CDH18: variants seen among roughly 807,000 people sequenced by gnomAD.
CDH18 encodes the protein cadherin-18.
In CDH18, 31 loss-of-function variants were observed where a neutral mutation model predicts 67.9. The observed-to-expected ratio is 0.46, with a 90% CI of 0.34 to 0.62. CDH18 has a LOEUF of 0.62. Among genes scored for constraint, CDH18 ranks in the 20% least tolerant of loss-of-function variants. The pLI, the probability that CDH18 is intolerant of heterozygous loss-of-function variation, is 0.01. For missense variants in CDH18, 890 were observed against 975.5 expected (o/e 0.91, Z 1.17); for synonymous variants, 362 against 347.2 (o/e 1.04, Z -0.48).
At chr5:19,581,655 G>C (rs1323849891) in intron 7 of CDH18, among the ~76,000 whole-genome samples, 1 of 151,916 alleles carries the variant, frequency 6.6e-6, no homozygotes, top group East Asian at 1.9e-4. Context: ...CCAGATTTTA[G>C]TTCCAAGATT....
intron 1 of CDH18, among the ~76,000 whole-genome samples, chr5:20,459,337 G>T (rs1014574754): frequency 6.6e-6 from 1 of 152,156 alleles, no homozygotes; most frequent in Non-Finnish European, 1.5e-5. Context: ...TGAGAGTGAC[G>T]TATTTGTAAT....
intron 1 of CDH18, among the ~76,000 whole-genome samples, chr5:20,338,054 C>T (rs77482072): frequency 0.012 from 1,776 of 152,270 alleles, 38 homozygotes; most frequent in African/African-American, 0.041. Flanking sequence ...CAGGAGAACA[C>T]GATGGGAAAG....
At chr5:20,534,960 G>C (rs1473191660) in intron 1 of CDH18, among the ~76,000 whole-genome samples, 14 of 151,738 alleles carry the variant, frequency 9.2e-5, no homozygotes, top group Admixed American at 9.2e-4. Flanking sequence ...TGTTCTTAAG[G>C]CTCGCATTTT....
chr5:20,384,837 T>TATTC (rs1449902336), intron 1 of CDH18, among the ~76,000 whole-genome samples: 1 of 152,174 alleles, frequency 6.6e-6, no homozygotes, highest in Non-Finnish European at 1.5e-5. Context: ...GTTATTTATT[T>TATTC]ATTTATTCAT....
intron 1 of CDH18, among the ~76,000 whole-genome samples, chr5:20,295,268 C>T (rs1290172560): frequency 2.0e-5 from 3 of 152,260 alleles, no homozygotes; most frequent in East Asian, 1.9e-4. Flanking sequence ...TAGACCTTCA[C>T]ATCTCTGGGA....
intron 2 of CDH18, among the ~76,000 whole-genome samples, chr5:19,924,015 C>A (rs1286109163): frequency 6.6e-6 from 1 of 152,120 alleles, no homozygotes; most frequent in East Asian, 1.9e-4. Context: ...AACTATGAGA[C>A]CGGTACTTTC....
At chr5:20,340,438 A>C (rs936118723) in intron 1 of CDH18, among the ~76,000 whole-genome samples, 2 of 152,170 alleles carry the variant, frequency 1.3e-5, no homozygotes, top group South Asian at 4.1e-4. Context: ...AGGAGTCCTG[A>C]GCTGCACCTG....
At chr5:20,091,652 C>T (rs1185381613) in intron 2 of CDH18, among the ~76,000 whole-genome samples, 1 of 151,960 alleles carries the variant, frequency 6.6e-6, no homozygotes, top group East Asian at 1.9e-4. Flanking sequence ...TTTATAATAT[C>T]TAATTCACTT....
At chr5:20,139,640 A>G (rs1044528429) in intron 2 of CDH18, among the ~76,000 whole-genome samples, 1 of 152,180 alleles carries the variant, frequency 6.6e-6, no homozygotes, top group African/African-American at 2.4e-5. Flanking sequence ...AAACAACCCC[A>G]TCAAAAAGTG....
chr5:20,365,384 G>C (rs898162226), intron 1 of CDH18, among the ~76,000 whole-genome samples: 1 of 152,134 alleles, frequency 6.6e-6, no homozygotes, highest in African/African-American at 2.4e-5. Context: ...GACATTTGAG[G>C]TAGGGGACAC....
Position 19,571,805 on chromosome 5 carries a change from A to G in CDH18, c.1027T>C (p.Tyr343His), listed in dbSNP as rs758214874. The change falls in exon 8 of 13, where the codon TAT (tyrosine) becomes CAT (histidine). Residue 343 changes from tyrosine (Y) to histidine (H), a missense_variant. This residue lies in a region of CDH18 where 656 missense variants were observed against 668.1 expected (regional missense o/e 0.98). Coordinates refer to ENST00000382275, the MANE Select transcript of CDH18 (RefSeq NM_004934.5). ...TTTGCTCCTTCTATGTTGAGGGTAT[A>G]TGACTTCTTTTTCTCATAGTTCAGT... ...KPLNYEKKKSYTLNIEGANTH... is the reference protein window; with the variant it reads ...KPLNYEKKKSHTLNIEGANTH... 1 of 1,613,566 alleles carries G rather than the reference A, an allele frequency of 6.2e-7. No homozygotes were observed.
At chr5:20,512,920 T>C (rs1755136608) in intron 1 of CDH18, among the ~76,000 whole-genome samples, 1 of 151,732 alleles carries the variant, frequency 6.6e-6, no homozygotes, top group Non-Finnish European at 1.5e-5. Flanking sequence ...GCTCTGATGC[T>C]TGTCCTCCAA....
chr5:20,333,866 A>G (rs1372764068), intron 1 of CDH18, among the ~76,000 whole-genome samples: 2 of 145,332 alleles, frequency 1.4e-5, no homozygotes, highest in Admixed American at 1.4e-4. Flanking sequence ...TTCATAAGAA[A>G]AATTTAAAGA....
chr5:19,791,649 T>C (rs921188191), intron 3 of CDH18, among the ~76,000 whole-genome samples: 1 of 152,178 alleles, frequency 6.6e-6, no homozygotes, highest in Non-Finnish European at 1.5e-5. Flanking sequence ...ACAGAATTTC[T>C]GTTTCACAGG....
At chr5:20,099,420 T>G (rs574599781) in intron 2 of CDH18, among the ~76,000 whole-genome samples, 4 of 152,228 alleles carry the variant, frequency 2.6e-5, no homozygotes, top group Non-Finnish European at 4.4e-5. Flanking sequence ...CAACTCAAAA[T>G]AAAGATAATG....
At chr5:19,685,658 G>C (rs900976725) in intron 5 of CDH18, among the ~76,000 whole-genome samples, 4 of 152,166 alleles carry the variant, frequency 2.6e-5, no homozygotes, top group African/African-American at 9.7e-5. Flanking sequence ...GTTGGATCCA[G>C]TTTTCAATTC....
intron 2 of CDH18, among the ~76,000 whole-genome samples, chr5:20,080,949 T>C (rs1744417874): frequency 1.3e-5 from 2 of 152,138 alleles, no homozygotes; most frequent in Admixed American, 1.3e-4. Flanking sequence ...TTGCATTAGT[T>C]ACACAGTATT....
intron 2 of CDH18, among the ~76,000 whole-genome samples, chr5:20,208,391 G>T (rs1352940185): frequency 6.6e-6 from 1 of 152,014 alleles, no homozygotes; most frequent in Non-Finnish European, 1.5e-5. Flanking sequence ...AACATGTGGG[G>T]ATTATGGGGA....
chr5:20,329,401 T>C (rs529680211), intron 1 of CDH18, among the ~76,000 whole-genome samples: 10 of 152,198 alleles, frequency 6.6e-5, no homozygotes, highest in Admixed American at 3.9e-4. Flanking sequence ...GAACAAGTGA[T>C]AATAAATTAA....
Sources: allele counts gnomAD v4.1 joint callset (sites outside exome capture counted in the v4.1 genomes callset), GRCh38; gene constraint gnomAD v4.1.1; regional missense constraint gnomAD v4.1.1; transcripts MANE v1.5; gene names NCBI Gene and HGNC (gene_info 2026-07-23, HGNC 2026-07-21).